The following IL1RAPL1 variants were observed in gnomAD, a reference collection of about 807,000 sequenced individuals.
IL1RAPL1 encodes the protein interleukin-1 receptor accessory protein-like 1.
In IL1RAPL1, 3 loss-of-function variants were observed where a neutral mutation model predicts 48.4. The ratio of observed to expected loss-of-function variants is 0.06; its 90% CI spans 0.03 to 0.16. The LOEUF (loss-of-function observed/expected upper bound fraction) is 0.16. Among genes scored for constraint, IL1RAPL1 ranks in the 10% least tolerant of loss-of-function variants. The probability of loss-of-function intolerance (pLI) is 1.00; values close to 1 mark genes in which losing one functional copy is unlikely to be tolerated. For missense variants in IL1RAPL1, 349 were observed against 530.6 expected (o/e 0.66, Z 3.36); for synonymous variants, 185 against 187.7 (o/e 0.99, Z 0.12).
chrX:28,908,085 G>C (rs1923265771), intron 2 of IL1RAPL1, among the ~76,000 whole-genome samples: 1 of 111,007 alleles, frequency 9.0e-6, no homozygotes, highest in Non-Finnish European at 1.9e-5. Context: ...TTTGATATTG[G>C]TAATTTTTGT....
At chrX:29,323,713 TTATATATA>T (rs1172683563) in intron 3 of IL1RAPL1, among the ~76,000 whole-genome samples, 1 of 10,954 alleles carries the variant, frequency 9.1e-5, no homozygotes, top group Non-Finnish European at 1.6e-4. Flanking sequence ...ACTGAATTTT[TTATATATA>T]TATATATATA....
intron 6 of IL1RAPL1, among the ~76,000 whole-genome samples, chrX:29,687,069 G>A (rs1401670570): frequency 2.7e-5 from 3 of 110,320 alleles, no homozygotes; most frequent in Non-Finnish European, 1.9e-5. Context: ...AAATTCATAC[G>A]GTCATTAGGA....
Position 29,073,595 on chromosome X carries a change from A to G in IL1RAPL1, c.83-209343A>G, listed in dbSNP as rs147926150. On this transcript the variant is annotated intron_variant, in intron 2 of 10. Coordinates refer to ENST00000378993, the MANE Select transcript of IL1RAPL1 (RefSeq NM_014271.4). Reference sequence around the variant, plus strand: ...TCCTTCCTCGTTTCTTTATCATATTACCTTGTAATGATAAGACATCCATAT... The same window carrying G: ...TCCTTCCTCGTTTCTTTATCATATTGCCTTGTAATGATAAGACATCCATAT... Among the ~76,000 whole-genome samples, 1,043 of 111,454 alleles carry G rather than the reference A, an allele frequency of 9.4e-3. 16 individuals are homozygous for G. Among genetic ancestry groups the G allele is most frequent in the African/African-American group, 0.033 (1,006 of 30,724 alleles).
intron 5 of IL1RAPL1, among the ~76,000 whole-genome samples, chrX:29,651,792 A>T (rs1024296342): frequency 8.9e-6 from 1 of 111,917 alleles, no homozygotes; most frequent in African/African-American, 3.2e-5. Context: ...CACAAAAATG[A>T]CAACTACGTG....
intron 5 of IL1RAPL1, among the ~76,000 whole-genome samples, chrX:29,550,254 G>C (rs897874200): frequency 8.2e-5 from 9 of 110,372 alleles, no homozygotes; most frequent in Non-Finnish European, 1.5e-4. Flanking sequence ...TGCAGTGGCG[G>C]GATCTCGGCT....
intron 5 of IL1RAPL1, among the ~76,000 whole-genome samples, chrX:29,599,829 A>C (rs1398555120): frequency 3.6e-5 from 4 of 111,123 alleles, no homozygotes; most frequent in Admixed American, 1.9e-4. Context: ...TTTCCAGTGC[A>C]TTTTGCATTT....
chrX:29,919,673 C>T (rs1046881486), intron 7 of IL1RAPL1, among the ~76,000 whole-genome samples: 18 of 112,377 alleles, frequency 1.6e-4, no homozygotes, highest in African/African-American at 5.5e-4. Context: ...ACTTTTTCTT[C>T]AAGGTCTTTC....
chrX:28,704,981 G>A (rs1935358473), intron 1 of IL1RAPL1, among the ~76,000 whole-genome samples: 1 of 111,119 alleles, frequency 9.0e-6, no homozygotes, highest in South Asian at 3.8e-4. Context: ...GAATCCATTG[G>A]AAGGTTGTAA....
At chrX:29,581,638 T>C (rs1922964649) in intron 5 of IL1RAPL1, among the ~76,000 whole-genome samples, 1 of 112,081 alleles carries the variant, frequency 8.9e-6, no homozygotes, top group African/African-American at 3.2e-5. Context: ...CCTGGTATCC[T>C]GTAATGGACA....
intron 5 of IL1RAPL1, among the ~76,000 whole-genome samples, chrX:29,495,550 C>T (rs5972254): frequency 0.36 from 39,520 of 109,861 alleles, 5,871 homozygotes; most frequent in East Asian, 0.68. Flanking sequence ...TCATCCATGC[C>T]CAAATCTCTT....
intron 3 of IL1RAPL1, among the ~76,000 whole-genome samples, chrX:29,392,084 G>A (rs1439722846): frequency 9.0e-6 from 1 of 111,557 alleles, no homozygotes; most frequent in African/African-American, 3.3e-5. Flanking sequence ...CACTAGAAAG[G>A]ATAGTGGGGT....
intron 1 of IL1RAPL1, among the ~76,000 whole-genome samples, chrX:28,674,386 TTTAAA>T (rs1405655393): frequency 9.0e-6 from 1 of 111,565 alleles, no homozygotes; most frequent in African/African-American, 3.3e-5. Context: ...AATGAAACAA[TTTAAA>T]TTAAGTATCT....
intron 1 of IL1RAPL1, among the ~76,000 whole-genome samples, chrX:28,625,141 G>A (rs1481447962): frequency 8.9e-6 from 1 of 111,756 alleles, no homozygotes; most frequent in Non-Finnish European, 1.9e-5. Flanking sequence ...CTTCTCAATT[G>A]CAGCACTGTA....
intron 3 of IL1RAPL1, among the ~76,000 whole-genome samples, chrX:29,375,441 C>T (rs1194101593): frequency 2.7e-5 from 3 of 111,632 alleles, no homozygotes; most frequent in Admixed American, 9.5e-5. Context: ...GCTGGGATTA[C>T]AGGCATGTCC....
chrX:29,010,205 ACTT>A (rs753967877), intron 2 of IL1RAPL1, among the ~76,000 whole-genome samples: 2 of 111,542 alleles, frequency 1.8e-5, no homozygotes, highest in Non-Finnish European at 3.8e-5. Context: ...AGACAGTTTG[ACTT>A]CTTCTTTTCC....
chrX:29,265,016 G>A (rs1023541370), intron 2 of IL1RAPL1, among the ~76,000 whole-genome samples: 7 of 111,448 alleles, frequency 6.3e-5, no homozygotes, highest in African/African-American at 2.3e-4. Flanking sequence ...GGGTTCAAGC[G>A]ATTCTCGTGC....
intron 5 of IL1RAPL1, among the ~76,000 whole-genome samples, chrX:29,408,385 A>T (rs1210531029): frequency 1.8e-5 from 2 of 111,615 alleles, no homozygotes; most frequent in African/African-American, 6.5e-5. Context: ...ACAAAGTAAC[A>T]ACTGTATTGC....
At position 29,739,798 on chromosome X, in the gene IL1RAPL1, C is replaced by A. The variant is rs182173152; in HGVS notation, c.778+71294C>A. Among the ~76,000 whole-genome samples, 195 of 110,731 alleles carry A rather than the reference C, an allele frequency of 1.8e-3. 1 individual carries two copies. Among genetic ancestry groups the A allele is most frequent in the African/African-American group, 6.0e-3 (183 of 30,446 alleles). On this transcript the variant is annotated intron_variant, in intron 6 of 10. Transcript: ENST00000378993. ...TGGGTCCACCGCGTGGTGGCTCGCA[C>A]GTGTAATCCCAGCACTTTGGGAGGC...
intron 2 of IL1RAPL1, among the ~76,000 whole-genome samples, chrX:29,113,132 C>A (rs779968117): frequency 7.4e-4 from 83 of 111,769 alleles, no homozygotes; most frequent in African/African-American, 2.6e-3. Flanking sequence ...TTCTTAAACA[C>A]CTTGTTTAGC....
Sources: allele counts gnomAD v4.1 joint callset (sites outside exome capture counted in the v4.1 genomes callset), GRCh38; gene constraint gnomAD v4.1.1; transcripts MANE v1.5; gene names NCBI Gene and HGNC (gene_info 2026-07-23, HGNC 2026-07-21).